Variants in CARMIL1 observed in about 807,000 individuals in gnomAD.
The protein encoded by CARMIL1 is F-actin-uncapping protein LRRC16A.
CARMIL1 carries 90 observed loss-of-function variants against 177.1 expected under a neutral mutation model. The ratio of observed to expected loss-of-function variants is 0.51; its 90% CI spans 0.43 to 0.61. The LOEUF (loss-of-function observed/expected upper bound fraction) is 0.61, where lower values mean the gene tolerates loss of function less well. CARMIL1 is among the 20% of genes least tolerant of loss of function. The pLI, the probability that CARMIL1 is intolerant of heterozygous loss-of-function variation, is 0.00. For synonymous variants in CARMIL1, 577 were observed against 606.2 expected (o/e 0.95, Z 0.71); for missense variants, 1,380 against 1,667.0 (o/e 0.83, Z 3.00).
chr6:25,288,706 C>T (rs1781714633), intron 2 of CARMIL1, among the ~76,000 whole-genome samples: 1 of 152,162 alleles, frequency 6.6e-6, no homozygotes, highest in Admixed American at 6.5e-5. Context: ...CAAGTATCTG[C>T]TGCCTCCATT....
In CARMIL1 at chr6:25,510,762, A is replaced by T. The variant is rs763500273; in HGVS notation, c.1632A>T (p.Ser544=). The T allele has an allele frequency of 2.1e-5, 32 of 1,511,800 alleles. No individual in the cohort carries two copies. Among genetic ancestry groups the T allele is most frequent in the Non-Finnish European group, 2.7e-6 (3 of 1,119,474 alleles). The allele number at this position is 1,511,800 out of a possible 1,614,324, so 93.6% of individuals were successfully genotyped here. A position where few individuals can be genotyped will look rare whatever the true frequency, so the allele number is the denominator to read the frequency against. The change falls in exon 20 of 37, where the codon TCA becomes TCT. Residue 544 remains serine (S), a splice_region_variant and synonymous_variant. Transcript: ENST00000329474. ...TACAGATGATTCAAGATGAAGAATC[A>T]GTGAGTATTATGTTAAACTTTTTAC... The part of the protein sequence containing the change: ...NLVQMIQDEE[S]PLQSLSLADS...
Position 25,600,233 on chromosome 6 carries a change from C to T in CARMIL1, c.3120-81C>T, listed in dbSNP as rs555423884. ...ATGGTTACTGTATATGTAGCAATCT[C>T]CATATTTATATTTTGACTGATTCTT... On this transcript the variant is annotated intron_variant, in intron 32 of 36. Transcript: ENST00000329474. 331 of 1,285,218 alleles carry T rather than the reference C, an allele frequency of 2.6e-4. No homozygotes were observed. The African/African-American group carries it at 2.7e-3, about 11-fold the overall frequency. 79.6% of individuals were successfully genotyped at this position (1,285,218 alleles called of 1,614,324 possible).
chr6:25,410,924 G>A (rs779343448), intron 2 of CARMIL1, among the ~76,000 whole-genome samples: 2 of 152,104 alleles, frequency 1.3e-5, no homozygotes, highest in Non-Finnish European at 2.9e-5. Flanking sequence ...AAGGAAAAGG[G>A]CACACATATC....
intron 1 of CARMIL1, 130 bp downstream of exon 1, chr6:25,279,965 C>T (rs1475329198): frequency 2.8e-6 from 3 of 1,075,194 alleles, no homozygotes; most frequent in East Asian, 4.7e-5. Context: ...TGGTGTTGGG[C>T]AGGGTCACTG....
Position 25,520,332 on chromosome 6 carries a change from CA to C in CARMIL1, c.1967del (p.Lys656ArgfsTer2), listed in dbSNP as rs1319006667. On this transcript the variant is annotated frameshift_variant, in exon 23 of 37. Coordinates refer to ENST00000329474, the MANE Select transcript of CARMIL1 (RefSeq NM_017640.6). LOFTEE classifies it high-confidence loss of function. ...TNPEKTEDAL[Q>X]KIENYLLRNH... is the part of the protein sequence containing the mutation. ...CCCTGAAAAAACAGAAGACGCTCTG[CA>C]AAAGGTATTAAAGAATCAGTAGCTT... is the stretch of plus-strand genomic sequence containing the variant. 1.3e-6 allele frequency: 2 copies of C among 1,525,234 alleles called. No individual in the cohort carries two copies. The highest frequency in any genetic ancestry group is 1.8e-6 in the Non-Finnish European group (2 of 1,122,888). The allele number at this position is 1,525,234 out of a possible 1,614,324, so 94.5% of individuals were successfully genotyped here.
intron 29 of CARMIL1, among the ~76,000 whole-genome samples, chr6:25,559,655 G>T (rs1317776841): frequency 6.6e-6 from 1 of 152,134 alleles, no homozygotes; most frequent in Non-Finnish European, 1.5e-5. Flanking sequence ...CCCAAAGAAC[G>T]GTGAAACTTT....
chr6:25,497,598 C>T (rs1188749474), intron 16 of CARMIL1, among the ~76,000 whole-genome samples: 3 of 152,104 alleles, frequency 2.0e-5, no homozygotes, highest in Non-Finnish European at 4.4e-5. Context: ...TAGCAGTGTC[C>T]GCTGCTCTCA....
rs571629083 is a variant in CARMIL1, at chr6:25,373,947, G to A, written c.139-46167G>A. On this transcript the variant is annotated intron_variant, in intron 2 of 36. Coordinates refer to ENST00000329474, the MANE Select transcript of CARMIL1 (RefSeq NM_017640.6). ...TGGTTAATCTAGCTAATCATCTATC[G>A]ATTTTGTTTATCTTTTCAAAAAACC... Among the ~76,000 whole-genome samples, 7 of 152,096 alleles carry A rather than the reference G, an allele frequency of 4.6e-5. No homozygotes were observed. The South Asian group carries it at 6.2e-4, about 14-fold the overall frequency.
intron 12 of CARMIL1, among the ~76,000 whole-genome samples, chr6:25,487,644 G>T (rs1802795371): frequency 6.6e-6 from 1 of 152,190 alleles, no homozygotes; most frequent in South Asian, 2.1e-4. Flanking sequence ...GTCTCAGTGA[G>T]TGATTAGACC....
intron 2 of CARMIL1, among the ~76,000 whole-genome samples, chr6:25,406,349 AG>A (rs748244548): frequency 3.2e-4 from 49 of 152,192 alleles, no homozygotes; most frequent in Admixed American, 5.9e-4. Context: ...ACAGAAGGCC[AG>A]TGTGGCTGGG....
chr6:25,330,930 G>A (rs1388538290), intron 2 of CARMIL1, among the ~76,000 whole-genome samples: 6 of 143,486 alleles, frequency 4.2e-5, no homozygotes, highest in African/African-American at 1.6e-4. Flanking sequence ...GAGGAGAAGG[G>A]AACTTACTGT....
chr6:25,417,874 A>T (rs890006727), intron 2 of CARMIL1, among the ~76,000 whole-genome samples: 38 of 152,286 alleles, frequency 2.5e-4, no homozygotes, highest in African/African-American at 8.7e-4. Context: ...TGTTGTGAGG[A>T]TTAAGTGTGC....
intron 23 of CARMIL1, among the ~76,000 whole-genome samples, chr6:25,524,050 C>T (rs1381759435): frequency 2.0e-5 from 3 of 151,760 alleles, no homozygotes. Context: ...GGTAAAATAA[C>T]CATTTTGAAA....
intron 2 of CARMIL1, among the ~76,000 whole-genome samples, chr6:25,317,750 A>G (rs961311144): frequency 2.0e-5 from 3 of 151,592 alleles, no homozygotes; most frequent in African/African-American, 7.3e-5. Context: ...TTTTTTGTAG[A>G]GAAGTGGTCT....
chr6:25,420,255 C>G, intron 3 of CARMIL1, 91 bp downstream of exon 3: 1 of 1,096,674 alleles, frequency 9.1e-7, no homozygotes, highest in Admixed American at 1.7e-5. Flanking sequence ...TGTGTGCACA[C>G]ATATTCCTTC....
At chr6:25,309,296 A>G (rs2150198627) in intron 2 of CARMIL1, among the ~76,000 whole-genome samples, 1 of 150,636 alleles carries the variant, frequency 6.6e-6, no homozygotes, top group Middle Eastern at 3.4e-3. Flanking sequence ...TGGAGGTTGC[A>G]ATGAGCTCAG....
chr6:25,513,093 A>G (rs1325543512), intron 20 of CARMIL1, among the ~76,000 whole-genome samples: 5 of 152,204 alleles, frequency 3.3e-5, no homozygotes, highest in African/African-American at 9.7e-5. Flanking sequence ...GAATTTGAAT[A>G]TAGTCCTGGA....
At chr6:25,450,560 G>C in intron 7 of CARMIL1, 78 bp from the exon 8 acceptor site, 4 of 1,072,026 alleles carry the variant, frequency 3.7e-6, no homozygotes, top group Non-Finnish European at 4.2e-6. Context: ...CATTGTCATT[G>C]TCTAATTCTC....
chr6:25,300,464 C>T lies in CARMIL1; in HGVS notation c.138+15555C>T, dbSNP rs530897627. Among the ~76,000 whole-genome samples the T allele has an allele frequency of 3.6e-3, 550 of 152,180 alleles. 2 individuals are homozygous for T. Among genetic ancestry groups the T allele is most frequent in the African/African-American group, 0.013 (529 of 41,506 alleles). On this transcript the variant is annotated intron_variant, in intron 2 of 36. Coordinates refer to ENST00000329474, the MANE Select transcript of CARMIL1 (RefSeq NM_017640.6). ...GGAGGATCACTTGAGGCCAGGAGTT[C>T]GAGACCAGCCTGGCCAACATGGCAA...
Sources: allele counts gnomAD v4.1 joint callset (sites outside exome capture counted in the v4.1 genomes callset), GRCh38; gene constraint gnomAD v4.1.1; transcripts MANE v1.5; gene names NCBI Gene and HGNC (gene_info 2026-07-23, HGNC 2026-07-21).